NDUFAF6: variants seen among roughly 807,000 people sequenced by gnomAD.
The protein encoded by NDUFAF6 is NADH dehydrogenase (ubiquinone) complex I, assembly factor 6.
Under a neutral mutation model 40.8 loss-of-function variants are expected in NDUFAF6, and 45 were observed. That is an observed-to-expected ratio of 1.10 (90% CI 0.87 to 1.42). The LOEUF is 1.42. Ranked by LOEUF, NDUFAF6 falls within the 40% of genes most tolerant of loss-of-function variation. NDUFAF6 has a pLI of 0.00. For missense variants in NDUFAF6, 435 were observed against 418.5 expected, an observed-to-expected ratio of 1.04 and a Z score of -0.34; for synonymous variants, 185 against 155.9, an observed-to-expected ratio of 1.19 and a Z score of -1.39.
chr8:95,033,875 T>C (rs1282421989), intron 2 of NDUFAF6: 2 of 382,390 alleles, frequency 5.2e-6, no homozygotes, highest in South Asian at 1.9e-5. Flanking sequence ...TGGGAGGAGA[T>C]TCAGTTAGGG....
chr8:94,937,516 TG>T (rs1215207684), intron 1 of NDUFAF6, among the ~76,000 whole-genome samples: 2 of 151,952 alleles, frequency 1.3e-5, no homozygotes, highest in African/African-American at 4.8e-5. Flanking sequence ...AAGATTTTCC[TG>T]TTTTTCTGGT....
chr8:95,025,765 C>T (rs1471422466), intron 1 of NDUFAF6, among the ~76,000 whole-genome samples: 4 of 152,164 alleles, frequency 2.6e-5, no homozygotes, highest in African/African-American at 9.7e-5. Context: ...GAGAATTTGC[C>T]ACAGGTTCAC....
At chr8:95,041,732 G>A in intron 4 of NDUFAF6, 106 bp downstream of exon 4, 1 of 981,730 alleles carries the variant, frequency 1.0e-6, no homozygotes, top group Non-Finnish European at 1.6e-6. Context: ...TTTGGAGGAA[G>A]GAAACTTTTA....
intron 2 of NDUFAF6, among the ~76,000 whole-genome samples, chr8:95,013,625 C>G (rs1827316302): frequency 6.6e-6 from 1 of 152,144 alleles, no homozygotes; most frequent in African/African-American, 2.4e-5. Flanking sequence ...GTTTTAAGTG[C>G]CGTGGGTATA....
chr8:94,973,575 G>T (rs944765573), intron 1 of NDUFAF6, among the ~76,000 whole-genome samples: 14 of 152,228 alleles, frequency 9.2e-5, no homozygotes, highest in South Asian at 6.2e-4. Flanking sequence ...AGGTGTGGTG[G>T]CGGGCACCTT....
intron 1 of NDUFAF6, among the ~76,000 whole-genome samples, chr8:94,935,144 GATAGATA>G (rs1820848937): frequency 6.6e-6 from 1 of 151,578 alleles, no homozygotes; most frequent in Admixed American, 6.6e-5. Context: ...TAGATAGATA[GATAGATA>G]GATAGATAGA....
chr8:95,053,939 T>TA (rs1831768573), intron 8 of NDUFAF6, among the ~76,000 whole-genome samples: 1 of 136,044 alleles, frequency 7.4e-6, no homozygotes, highest in Non-Finnish European at 1.6e-5. Context: ...TTTTTTTTTT[T>TA]TTTTTTTTTT....
At chr8:95,064,065 G>GTTTTTTTTTT (rs1369326100) in intron 9 of NDUFAF6, among the ~76,000 whole-genome samples, 2 of 131,958 alleles carry the variant, frequency 1.5e-5, no homozygotes, top group Non-Finnish European at 3.2e-5. Context: ...TTTTTTTTTG[G>GTTTTTTTTTT]ATTTTTACTA....
chr8:94,945,614 A>G (rs773187940), exon 2 of NDUFAF6: 1 of 152,232 alleles, frequency 6.6e-6, no homozygotes, highest in Non-Finnish European at 1.5e-5. Context: ...CTGGTTCTAC[A>G]TGGAGGTAAA....
chr8:94,903,809 A>G (rs1818188334), intron 1 of NDUFAF6, among the ~76,000 whole-genome samples: 1 of 152,172 alleles, frequency 6.6e-6, no homozygotes, highest in Non-Finnish European at 1.5e-5. Context: ...CTGTTTCTGA[A>G]CTATTTACTC....
intron 2 of NDUFAF6, chr8:94,951,158 T>C (rs1242828403): frequency 6.6e-6 from 1 of 152,074 alleles, no homozygotes; most frequent in Admixed American, 6.6e-5. Context: ...CAGCCACCCA[T>C]GAGGAGAGAC....
chr8:95,066,287 C>CTTTTTT (rs11302193), intron 9 of NDUFAF6, among the ~76,000 whole-genome samples: 22 of 82,920 alleles, frequency 2.7e-4, no homozygotes, highest in African/African-American at 1.0e-3. Context: ...TGCTTGCTTG[C>CTTTTTT]TTTTTTTTTT....
chr8:94,905,447 GTTGTAGTGAGAGGCCTACTGTT>G (rs2131193383), intron 1 of NDUFAF6, among the ~76,000 whole-genome samples: 1 of 152,232 alleles, frequency 6.6e-6, no homozygotes, highest in African/African-American at 2.4e-5. Flanking sequence ...TCCCTCCTCT[GTTGTAGTGAGAGGCCTACTGTT>G]TACTGAATGG....
At chr8:95,023,884 G>A (rs181874795), upstream of NDUFAF6, among the ~76,000 whole-genome samples, 35 of 152,056 alleles carry the variant, frequency 2.3e-4, no homozygotes, top group African/African-American at 7.0e-4. Flanking sequence ...CCAGCTACTC[G>A]GGAGGCTGAG....
chr8:94,898,237 C>T (rs1817781092), intron 1 of NDUFAF6, among the ~76,000 whole-genome samples: 1 of 152,188 alleles, frequency 6.6e-6, no homozygotes, highest in Non-Finnish European at 1.5e-5. Flanking sequence ...AAAGTCCATA[C>T]TTTATTCCTA....
intron 4 of NDUFAF6, among the ~76,000 whole-genome samples, chr8:95,115,322 A>T (rs1489529562): frequency 6.6e-6 from 1 of 152,186 alleles, no homozygotes; most frequent in African/African-American, 2.4e-5. Flanking sequence ...GATCTGTATG[A>T]CTGAGATGAC....
At chr8:94,980,657 G>T (rs1202359809) in intron 1 of NDUFAF6, among the ~76,000 whole-genome samples, 1 of 151,304 alleles carries the variant, frequency 6.6e-6, no homozygotes, top group Non-Finnish European at 1.5e-5. Flanking sequence ...CACCATGTTG[G>T]CCAGACTGGT....
intron 1 of NDUFAF6, among the ~76,000 whole-genome samples, chr8:94,937,415 T>TG (rs1462204128): frequency 6.9e-6 from 1 of 144,252 alleles, no homozygotes; most frequent in African/African-American, 2.7e-5. Context: ...CACTCCAGCC[T>TG]GGGTGACACA....
chr8:94,932,578 C>A (rs574821276), intron 1 of NDUFAF6, among the ~76,000 whole-genome samples: 1 of 152,098 alleles, frequency 6.6e-6, no homozygotes, highest in East Asian at 1.9e-4. Context: ...CTGAGGCGGG[C>A]GGATCGTGAG....
Sources: allele counts gnomAD v4.1 joint callset (sites outside exome capture counted in the v4.1 genomes callset), GRCh38; gene constraint gnomAD v4.1.1; transcripts MANE v1.5; gene names NCBI Gene and HGNC (gene_info 2026-07-23, HGNC 2026-07-21).